EGFLAM: variants seen among roughly 807,000 people sequenced by gnomAD.
EGFLAM encodes the protein EGF like, fibronectin type III and laminin G domains.
In EGFLAM, 79 loss-of-function variants were observed where a neutral mutation model predicts 113.1. That is an observed-to-expected ratio of 0.70 (90% CI 0.58 to 0.84). EGFLAM has a LOEUF of 0.84. EGFLAM is among the 40% of genes least tolerant of loss of function. EGFLAM has a pLI of 0.00. For synonymous variants in EGFLAM, 504 were observed against 487.6 expected, an observed-to-expected ratio of 1.03 and a Z score of -0.44; for missense variants, 1,265 against 1,291.6, an observed-to-expected ratio of 0.98 and a Z score of 0.32.
chr5:38,331,843 G>A (rs939675843), intron 1 of EGFLAM, among the ~76,000 whole-genome samples: 3 of 152,128 alleles, frequency 2.0e-5, no homozygotes, highest in Admixed American at 2.0e-4. Context: ...AGAACTTCTT[G>A]TTTACTTCCA....
At chr5:38,339,313 C>T (rs777316508) in intron 3 of EGFLAM, among the ~76,000 whole-genome samples, 2 of 151,870 alleles carry the variant, frequency 1.3e-5, no homozygotes, top group Non-Finnish European at 2.9e-5. Context: ...ATCAAGGTCT[C>T]TTGAGTGAAT....
chr5:38,301,838 A>T (rs976245721), intron 1 of EGFLAM, among the ~76,000 whole-genome samples: 3 of 152,212 alleles, frequency 2.0e-5, no homozygotes, highest in African/African-American at 7.2e-5. Flanking sequence ...CAACCCAAGC[A>T]TCTTATTGCC....
intron 6 of EGFLAM, among the ~76,000 whole-genome samples, chr5:38,404,665 G>A (rs373802674): frequency 1.3e-5 from 2 of 152,128 alleles, no homozygotes; most frequent in Admixed American, 6.5e-5. Flanking sequence ...TTTCCACTAG[G>A]CATCCAAACA....
chr5:38,286,131 A>G (rs1392608273), intron 1 of EGFLAM: 3 of 152,202 alleles, frequency 2.0e-5, no homozygotes, highest in African/African-American at 7.2e-5. Flanking sequence ...AAATATTTGC[A>G]TAGCTTAATT....
chr5:38,336,480 A>G (rs1241433842), intron 1 of EGFLAM, among the ~76,000 whole-genome samples: 1 of 151,902 alleles, frequency 6.6e-6, no homozygotes. Context: ...AGGCTGAGGC[A>G]GGAGAATGGC....
At chr5:38,271,889 G>C (rs1424768402) in intron 1 of EGFLAM, among the ~76,000 whole-genome samples, 1 of 152,212 alleles carries the variant, frequency 6.6e-6, no homozygotes, top group Non-Finnish European at 1.5e-5. Context: ...GCCAGTTATG[G>C]AATGGAAAAC....
intron 18 of EGFLAM, among the ~76,000 whole-genome samples, chr5:38,449,897 G>A (rs1742856232): frequency 6.6e-6 from 1 of 152,148 alleles, no homozygotes; most frequent in Non-Finnish European, 1.5e-5. Context: ...AGAAGCAGCT[G>A]TACCCTCAAA....
chr5:38,271,339 T>G (rs1394088819), intron 1 of EGFLAM, among the ~76,000 whole-genome samples: 6 of 152,228 alleles, frequency 3.9e-5, no homozygotes, highest in Non-Finnish European at 7.3e-5. Context: ...GCCTTCATTT[T>G]GCTTCAACCG....
intron 1 of EGFLAM, among the ~76,000 whole-genome samples, chr5:38,324,043 C>CAAAAA (rs34351121): frequency 1.6e-4 from 15 of 92,264 alleles, no homozygotes; most frequent in Non-Finnish European, 2.0e-4. Context: ...CCATCTCAAA[C>CAAAAA]AAAAAAAAAA....
intron 1 of EGFLAM, among the ~76,000 whole-genome samples, chr5:38,329,016 A>T (rs1039223152): frequency 1.3e-5 from 2 of 152,108 alleles, no homozygotes; most frequent in Non-Finnish European, 2.9e-5. Context: ...GATCGGGCAC[A>T]GTGGCTCATG....
At chr5:38,451,183 A>G (rs1742901068) in intron 18 of EGFLAM, 132 bp from the exon 19 acceptor site, 1 of 1,217,266 alleles carries the variant, frequency 8.2e-7, no homozygotes, top group South Asian at 1.4e-5. Context: ...GACTCGTGGT[A>G]ATGAAGTAAG....
intron 1 of EGFLAM, 134 bp downstream of exon 1, chr5:38,258,985 A>T (rs1404370126): frequency 6.0e-6 from 6 of 992,846 alleles, no homozygotes; most frequent in Non-Finnish European, 8.6e-6. Flanking sequence ...CAGCTCTGCC[A>T]GGAGCTGAGA....
intron 11 of EGFLAM, among the ~76,000 whole-genome samples, chr5:38,417,099 A>G (rs1421467658): frequency 6.6e-6 from 1 of 152,128 alleles, no homozygotes; most frequent in Non-Finnish European, 1.5e-5. Context: ...CATGCCAGTA[A>G]TCCCAGCACT....
chr5:38,348,327 GA>G (rs2111976078), intron 3 of EGFLAM, among the ~76,000 whole-genome samples: 1 of 152,230 alleles, frequency 6.6e-6, no homozygotes, highest in African/African-American at 2.4e-5. Flanking sequence ...CTACGAGGGA[GA>G]AGAGAAGATG....
chr5:38,294,346 A>G (rs1312110278), intron 1 of EGFLAM, among the ~76,000 whole-genome samples: 2 of 152,212 alleles, frequency 1.3e-5, no homozygotes, highest in Non-Finnish European at 2.9e-5. Context: ...AAATTTAAAC[A>G]TAAGGAGTGG....
intron 6 of EGFLAM, among the ~76,000 whole-genome samples, chr5:38,393,349 C>G (rs1013522386): frequency 6.6e-6 from 1 of 152,032 alleles, no homozygotes; most frequent in East Asian, 1.9e-4. Flanking sequence ...AAATCTATTA[C>G]CCTCCTCTCA....
At chr5:38,293,579 C>A (rs2111801600) in intron 1 of EGFLAM, among the ~76,000 whole-genome samples, 1 of 152,256 alleles carries the variant, frequency 6.6e-6, no homozygotes, top group East Asian at 1.9e-4. Context: ...TTTTCCTTAG[C>A]TGTTTTCCTT....
intron 20 of EGFLAM, among the ~76,000 whole-genome samples, chr5:38,458,963 AC>A (rs1337601403): frequency 3.5e-5 from 5 of 143,330 alleles, no homozygotes; most frequent in African/African-American, 1.3e-4. Flanking sequence ...ACAGAGTGAG[AC>A]CCCATCTCAA....
intron 3 of EGFLAM, among the ~76,000 whole-genome samples, chr5:38,349,600 G>A (rs1459037852): frequency 6.6e-6 from 1 of 152,112 alleles, no homozygotes; most frequent in African/African-American, 2.4e-5. Flanking sequence ...CAATGCCAGT[G>A]CCCTTTCCAC....
Sources: gnomAD v4.1 joint callset for allele counts (sites outside exome capture counted in the v4.1 genomes callset) on GRCh38, gnomAD v4.1.1 for gene constraint, MANE v1.5 for transcripts, NCBI Gene and HGNC (gene_info 2026-07-23, HGNC 2026-07-21) for gene names.